The following SSB variants were observed in gnomAD, a reference collection of about 807,000 sequenced individuals.
The protein encoded by SSB is small RNA binding exonuclease protection factor La, also known as lupus La protein.
In SSB, 17 loss-of-function variants were observed where a neutral mutation model predicts 52.9. The observed-to-expected ratio is 0.32, with a 90% CI of 0.22 to 0.48. The LOEUF is 0.48. Ranked by LOEUF, SSB falls within the 20% of genes least tolerant of loss-of-function variation. SSB has a pLI of 0.99. For synonymous variants in SSB, 111 were observed against 152.1 expected (o/e 0.73, Z 1.99); for missense variants, 314 against 463.6 (o/e 0.68, Z 2.96).
chr2:169,810,224 C>A, intron 8 of SSB, 59 bp from the exon 9 acceptor site: 1 of 1,368,704 alleles, frequency 7.3e-7, no homozygotes, highest in South Asian at 1.4e-5. Context: ...TGGTGTGAGT[C>A]ATTTCTGGTC....
chr2:169,801,936 C>CT (rs1689720613), intron 2 of SSB, among the ~76,000 whole-genome samples: 1 of 152,104 alleles, frequency 6.6e-6, no homozygotes, highest in African/African-American at 2.4e-5. Flanking sequence ...TCCGTAGTAC[C>CT]TTTGCAGTAC....
intron 2 of SSB, among the ~76,000 whole-genome samples, chr2:169,802,094 A>G (rs538391714): frequency 2.0e-5 from 3 of 152,060 alleles, no homozygotes; most frequent in African/African-American, 7.2e-5. Flanking sequence ...CTGAGGTGGG[A>G]GGATTGATGG....
intron 9 of SSB, 83 bp downstream of exon 9, chr2:169,810,506 A>G: frequency 7.8e-7 from 1 of 1,286,562 alleles, no homozygotes. Context: ...AGTAATTTTA[A>G]AAATTGTGTT....
At chr2:169,811,622 G>A in intron 11 of SSB, 46 bp from the exon 12 acceptor site, 1 of 1,591,868 alleles carries the variant, frequency 6.3e-7, no homozygotes, top group Non-Finnish European at 8.5e-7. Context: ...TTAAACTAGA[G>A]CAGTACTTAC....
intron 10 of SSB, 35 bp from the exon 11 acceptor site, chr2:169,811,148 A>T: frequency 6.3e-7 from 1 of 1,593,958 alleles, no homozygotes; most frequent in Non-Finnish European, 8.5e-7. Flanking sequence ...ACTTAAAAAA[A>T]GTTCTTTACA....
Position 169,810,376 on chromosome 2 carries a change from A to G in SSB, c.763A>G (p.Asn255Asp). 1 of 1,610,382 alleles carries G rather than the reference A, an allele frequency of 6.2e-7. No homozygotes were observed. Among genetic ancestry groups the G allele is most frequent in the Non-Finnish European group, 8.5e-7 (1 of 1,178,846 alleles). Residue 255 changes from asparagine to aspartate, a missense_variant, in exon 9 of 12, where the codon AAT (asparagine) becomes GAT (aspartate). By Grantham distance (23) the Asn-to-Asp change is conservative. Coordinates refer to ENST00000260956, the MANE Select transcript of SSB (RefSeq NM_003142.5). ...CREDLHILFS[N>D]HGEIKWIDFV... Reference sequence around the variant, plus strand: ...AGAAGATTTACACATACTTTTCTCAAATCATGGTGAAATAAAATGGATAGA... The same window carrying G: ...AGAAGATTTACACATACTTTTCTCAGATCATGGTGAAATAAAATGGATAGA...
chr2:169,808,856 G>T lies in SSB; in HGVS notation c.627-4G>T. 1 of 1,583,382 alleles carries T rather than the reference G, an allele frequency of 6.3e-7. No individual in the cohort carries two copies. The highest frequency in any genetic ancestry group is 8.7e-7 in the Non-Finnish European group (1 of 1,153,654). On this transcript the variant is annotated splice_polypyrimidine_tract_variant and splice_region_variant and intron_variant, in intron 7 of 11. Transcript: ENST00000260956. The stretch of plus-strand genomic sequence containing the variant: ...GTATGTTATAATTATATTTTTATTT[G>T]TAGGGAGCAAGAAGCAAAACAAAAG...
chr2:169,808,890 A>T lies in SSB; in HGVS notation c.657A>T (p.Glu219Asp), dbSNP rs145573186. The change falls in exon 8 of 12, where the codon GAA becomes GAT. Residue 219 changes from glutamate to aspartate, a missense_variant. Coordinates refer to ENST00000260956, the MANE Select transcript of SSB (RefSeq NM_003142.5). Reference protein sequence around the residue: ...QEQEAKQKLEEDAEMKSLEEK... With the variant: ...QEQEAKQKLEDDAEMKSLEEK... The stretch of plus-strand genomic sequence containing the variant: ...AAGAAGCAAAACAAAAGTTAGAAGA[A>T]GATGCTGAAATGGTAAGTATATATT... The T allele has an allele frequency of 2.6e-4, 420 of 1,597,770 alleles. 2 individuals carry two copies. The highest frequency in any genetic ancestry group is 3.3e-4 in the Non-Finnish European group (387 of 1,165,662).
In SSB at chr2:169,811,270, C is replaced by A. The variant is rs780764356; in HGVS notation, c.1085C>A (p.Thr362Lys). ...AAAGTACAGTTTCAGGGCAAGAAAA[C>A]GAAATTTGCTAGTGATGATGAACAT... ...KGKVQFQGKK[T>K]KFASDDEHDE... The change falls in exon 11 of 12, where the codon ACG (threonine) becomes AAG (lysine). Residue 362 changes from threonine (T) to lysine (K), a missense_variant. Coordinates refer to ENST00000260956, the MANE Select transcript of SSB (RefSeq NM_003142.5). 37 of 1,608,990 alleles carry A rather than the reference C, an allele frequency of 2.3e-5. No individual in the cohort carries two copies. Among genetic ancestry groups the A allele is most frequent in the Middle Eastern group, 3.3e-4 (2 of 6,058 alleles).
chr2:169,811,902 TG>T lies in SSB; in HGVS notation c.*147del, dbSNP rs1400656692. The T allele has an allele frequency of 6.3e-7, 1 of 1,593,202 alleles. No individual in the cohort carries two copies. Among genetic ancestry groups the T allele is most frequent in the South Asian group, 1.1e-5 (1 of 89,112 alleles). ...TTTTTTGTTGTTTAACTTGTCTTTT[TG>T]TTATGCAAATGAGATTTCTTTGAAT... On this transcript the variant is annotated 3_prime_UTR_variant, in exon 12 of 12. Transcript: ENST00000260956.
intron 1 of SSB, among the ~76,000 whole-genome samples, chr2:169,800,471 T>A (rs566304300): frequency 7.3e-6 from 1 of 136,378 alleles, no homozygotes; most frequent in African/African-American, 2.8e-5. Context: ...GAGGCAGAGG[T>A]TGCAGTGAGC....
intron 2 of SSB, among the ~76,000 whole-genome samples, chr2:169,804,379 C>T (rs1400052901): frequency 6.6e-6 from 1 of 151,282 alleles, no homozygotes; most frequent in Non-Finnish European, 1.5e-5. Flanking sequence ...TGAGCTGGGA[C>T]TAGAGGCACG....
At chr2:169,810,262 T>A (rs752270048) in intron 8 of SSB, 21 bp from the exon 9 acceptor site, 2 of 1,575,220 alleles carry the variant, frequency 1.3e-6, no homozygotes, top group East Asian at 4.6e-5. Flanking sequence ...AACTTTTTGA[T>A]CACTTTGTAT....
intron 11 of SSB, 92 bp from the exon 12 acceptor site, chr2:169,811,576 T>C: frequency 4.6e-6 from 7 of 1,508,448 alleles, no homozygotes; most frequent in South Asian, 1.3e-5. Context: ...GTTGCATCTT[T>C]TTCAACAGTA....
intron 9 of SSB, 68 bp from the exon 10 acceptor site, chr2:169,810,790 T>C (rs1689934543): frequency 2.0e-6 from 3 of 1,484,122 alleles, no homozygotes; most frequent in South Asian, 2.6e-5. Flanking sequence ...AAAATTACTT[T>C]GGACAAAGAA....
rs527267866 is a variant in SSB at position 169,800,897 on chromosome 2, T to G, written c.-9-55T>G. ...TAATACTTTGTAAACATTATCTTTC[T>G]ATTCTTGAGTTTTATATAAAAAATA... On this transcript the variant is annotated intron_variant, in intron 1 of 11. Coordinates refer to ENST00000260956, the MANE Select transcript of SSB (RefSeq NM_003142.5). The G allele has an allele frequency of 2.7e-5, 36 of 1,313,608 alleles. 2 individuals are homozygous for G. In the South Asian group the frequency reaches 4.5e-4, roughly 16 times the overall value. The allele number at this position is 1,313,608 out of a possible 1,614,324, so 81.4% of individuals were successfully genotyped here.
chr2:169,800,534 CAAAAAA>C (rs59743225), intron 1 of SSB, among the ~76,000 whole-genome samples: 7,544 of 78,356 alleles, frequency 0.096, 309 homozygotes, highest in Middle Eastern at 0.14. Context: ...GACTCCGTCT[CAAAAAA>C]AAAAAAAAAA....
intron 2 of SSB, among the ~76,000 whole-genome samples, chr2:169,801,866 C>A (rs1689719060): frequency 6.6e-6 from 1 of 151,950 alleles, no homozygotes; most frequent in African/African-American, 2.4e-5. Context: ...TTTTCAAAAC[C>A]CTCTTAGCAT....
intron 3 of SSB, 24 bp downstream of exon 3, chr2:169,805,601 T>G: frequency 6.2e-7 from 1 of 1,612,050 alleles, no homozygotes; most frequent in Non-Finnish European, 8.5e-7. Flanking sequence ...AAAAATAATC[T>G]TTAGGTTTTC....
Sources: gnomAD v4.1 joint callset for allele counts (sites outside exome capture counted in the v4.1 genomes callset) on GRCh38, gnomAD v4.1.1 for gene constraint, MANE v1.5 for transcripts, NCBI Gene and HGNC (gene_info 2026-07-23, HGNC 2026-07-21) for gene names.